PALM2AKAP2: variants seen among roughly 807,000 people sequenced by gnomAD.
The protein encoded by PALM2AKAP2 is PALM2-AKAP2 fusion protein.
Under a neutral mutation model 71.5 loss-of-function variants are expected in PALM2AKAP2, and 37 were observed. The ratio of observed to expected loss-of-function variants is 0.52; its 90% confidence interval spans 0.40 to 0.68. The LOEUF is 0.68. Among genes scored for constraint, PALM2AKAP2 ranks in the 30% least tolerant of loss-of-function variants. PALM2AKAP2 has a pLI of 0.00. For synonymous variants in PALM2AKAP2, 468 were observed against 478.8 expected (o/e 0.98, Z 0.29); for missense variants, 1,224 against 1,191.8 (o/e 1.03, Z -0.40).
intron 1 of PALM2AKAP2, among the ~76,000 whole-genome samples, chr9:110,062,955 C>T (rs1833995037): frequency 6.6e-6 from 1 of 152,140 alleles, no homozygotes; most frequent in Non-Finnish European, 1.5e-5. Context: ...TAAAACTTCA[C>T]CATGGCAATG....
At chr9:109,643,130 AG>A (rs1216750579) in intron 1 of PALM2AKAP2, among the ~76,000 whole-genome samples, 1 of 152,294 alleles carries the variant, frequency 6.6e-6, no homozygotes, top group African/African-American at 2.4e-5. Flanking sequence ...AAGGAAAGAA[AG>A]GGAAAGACAA....
At chr9:110,056,828 C>T (rs1302794444) in intron 1 of PALM2AKAP2, among the ~76,000 whole-genome samples, 1 of 152,104 alleles carries the variant, frequency 6.6e-6, no homozygotes, top group African/African-American at 2.4e-5. Context: ...AATGGAATCA[C>T]AATGTGTATA....
At chr9:110,005,026 A>G (rs1832751062) in intron 6 of PALM2AKAP2, among the ~76,000 whole-genome samples, 1 of 151,940 alleles carries the variant, frequency 6.6e-6, no homozygotes, top group Non-Finnish European at 1.5e-5. Context: ...TCTTCTCTCA[A>G]CTCGTCAAAG....
chr9:110,031,991 T>C (rs963616471), intron 7 of PALM2AKAP2, among the ~76,000 whole-genome samples: 12 of 150,876 alleles, frequency 8.0e-5, no homozygotes, highest in African/African-American at 2.9e-4. Context: ...ATCATTCTCC[T>C]GCAGTGATTC....
At chr9:109,980,128 A>G (rs1388034215) in intron 6 of PALM2AKAP2, among the ~76,000 whole-genome samples, 1 of 152,152 alleles carries the variant, frequency 6.6e-6, no homozygotes, top group Non-Finnish European at 1.5e-5. Context: ...CCACTCCACC[A>G]TCACTCTTCT....
At chr9:110,006,415 A>C (rs1832788105) in intron 6 of PALM2AKAP2, among the ~76,000 whole-genome samples, 1 of 146,772 alleles carries the variant, frequency 6.8e-6, no homozygotes, top group African/African-American at 2.5e-5. Flanking sequence ...GCAGTGTTGC[A>C]AACACAGCTC....
intron 6 of PALM2AKAP2, chr9:109,942,761 T>C (rs1831405441): frequency 1.9e-6 from 3 of 1,613,774 alleles, no homozygotes; most frequent in Non-Finnish European, 2.5e-6. Context: ...ACATCTACCA[T>C]TGGCCCAGAG....
At chr9:109,984,330 G>A (rs1328533130) in intron 6 of PALM2AKAP2, among the ~76,000 whole-genome samples, 1 of 151,946 alleles carries the variant, frequency 6.6e-6, no homozygotes, top group East Asian at 1.9e-4. Flanking sequence ...GATGATACAA[G>A]GTGTCTCTCT....
chr9:110,081,639 C>T (rs1343212136), intron 1 of PALM2AKAP2, among the ~76,000 whole-genome samples: 2 of 152,116 alleles, frequency 1.3e-5, no homozygotes, highest in Non-Finnish European at 2.9e-5. Flanking sequence ...CCCCAGCACC[C>T]GCTTCCCAAA....
At chr9:109,644,984 T>G (rs533476791) in intron 1 of PALM2AKAP2, among the ~76,000 whole-genome samples, 109 of 152,328 alleles carry the variant, frequency 7.2e-4, no homozygotes, top group Middle Eastern at 6.8e-3. Context: ...CCCTCCAAAC[T>G]GTTTCAACCT....
At chr9:109,903,144 G>A (rs957376741) in intron 3 of PALM2AKAP2, among the ~76,000 whole-genome samples, 3 of 152,102 alleles carry the variant, frequency 2.0e-5, no homozygotes, top group African/African-American at 4.8e-5. Flanking sequence ...CACACATGCC[G>A]GAGAAGCATG....
rs545755962 is a variant in PALM2AKAP2 at position 110,053,378 on chromosome 9, A to C, written c.156+4523A>C. ...CTGCCTCTACTAAAAGAATACAAAA[A>C]TTAGCCAGGTGTGGTGGCAGGTGCC... On this transcript the variant is annotated intron_variant, in intron 1 of 3. Transcript: ENST00000374525. Among the ~76,000 whole-genome samples, 15 of 152,136 alleles carry C rather than the reference A, an allele frequency of 9.9e-5. No homozygotes were observed. The East Asian group carries it at 2.7e-3, about 27-fold the overall frequency.
At chr9:109,938,439 G>A in intron 6 of PALM2AKAP2, among the ~76,000 whole-genome samples, 1 of 152,078 alleles carries the variant, frequency 6.6e-6, no homozygotes, top group East Asian at 1.9e-4. Context: ...TTCCTCTGAA[G>A]CCTTATGTTT....
chr9:109,861,081 C>A (rs1385131131), intron 1 of PALM2AKAP2, among the ~76,000 whole-genome samples: 3 of 152,220 alleles, frequency 2.0e-5, no homozygotes, highest in Non-Finnish European at 4.4e-5. Context: ...CACTGCTGTG[C>A]CCTGGGGCGC....
At chr9:110,059,149 C>T (rs1044045585) in intron 1 of PALM2AKAP2, among the ~76,000 whole-genome samples, 1 of 152,154 alleles carries the variant, frequency 6.6e-6, no homozygotes, top group African/African-American at 2.4e-5. Flanking sequence ...ATCCGTCTGC[C>T]TCGGCCTCCC....
chr9:109,917,907 A>G (rs62578147), intron 3 of PALM2AKAP2, among the ~76,000 whole-genome samples: 5,494 of 152,204 alleles, frequency 0.036, 111 homozygotes, highest in East Asian at 0.074. Context: ...GCTAGGATAC[A>G]TAATTTTTTT....
Position 110,090,265 on chromosome 9 carries a change from A to G in PALM2AKAP2, c.156+41410A>G, listed in dbSNP as rs980650764. 3 of 436,680 alleles carry G rather than the reference A, an allele frequency of 6.9e-6. 1 individual carries two copies. Among genetic ancestry groups the G allele is most frequent in the Middle Eastern group, 4.9e-4 (1 of 2,036 alleles). The allele number at this position is 436,680 out of a possible 1,614,324, so 27.1% of individuals were successfully genotyped here. On this transcript the variant is annotated intron_variant, in intron 1 of 3. Transcript: ENST00000374525. ...CCCCTGAAATCCTGTGACCTGGCAG[A>G]GGGCTGTGTTCCTGTGTCCTTACAT...
At chr9:109,772,399 G>A (rs1486161745) in intron 1 of PALM2AKAP2, among the ~76,000 whole-genome samples, 2 of 152,176 alleles carry the variant, frequency 1.3e-5, no homozygotes, top group African/African-American at 4.8e-5. Context: ...GATAAATTTA[G>A]CTCTGAATGA....
chr9:110,119,055 A>C (rs1835425609), intron 1 of PALM2AKAP2, among the ~76,000 whole-genome samples: 1 of 151,980 alleles, frequency 6.6e-6, no homozygotes, highest in African/African-American at 2.4e-5. Context: ...CATTTAATGA[A>C]AACATCAGGC....
Sources: gnomAD v4.1 joint callset for allele counts (sites outside exome capture counted in the v4.1 genomes callset) on GRCh38, gnomAD v4.1.1 for gene constraint, MANE v1.5 for transcripts, NCBI Gene and HGNC (gene_info 2026-07-23, HGNC 2026-07-21) for gene names.